The following CFAP74 variants were observed in gnomAD, a reference collection of about 807,000 sequenced individuals.
The protein encoded by CFAP74 is cilia- and flagella-associated protein 74.
Under a neutral mutation model 188.9 loss-of-function variants are expected in CFAP74, and 124 were observed. The ratio of observed to expected loss-of-function variants is 0.66; its 90% CI spans 0.57 to 0.76. The LOEUF (loss-of-function observed/expected upper bound fraction) is 0.76. Ranked by LOEUF, CFAP74 falls within the 30% of genes least tolerant of loss-of-function variation. The probability of loss-of-function intolerance (pLI) is 0.00; values close to 1 mark genes in which losing one functional copy is unlikely to be tolerated. For missense variants in CFAP74, 2,198 were observed against 2,165.2 expected, an observed-to-expected ratio of 1.02 and a Z score of -0.30; for synonymous variants, 956 against 916.7, an observed-to-expected ratio of 1.04 and a Z score of -0.77.
intron 18 of CFAP74, chr1:1,955,189 T>A (rs1398673955): frequency 7.8e-7 from 1 of 1,287,344 alleles, no homozygotes; most frequent in Non-Finnish European, 1.0e-6. Context: ...TTTCTGGATC[T>A]CGATGCGTAT....
intron 27 of CFAP74, chr1:1,927,974 T>C: frequency 3.6e-6 from 2 of 558,254 alleles, no homozygotes; most frequent in South Asian, 4.1e-5. Flanking sequence ...CACCAGAGGA[T>C]AAACCGAGGC....
At chr1:1,924,069 C>T in intron 34 of CFAP74, 140 bp from the exon 35 acceptor site, 2 of 690,862 alleles carry the variant, frequency 2.9e-6, no homozygotes, top group Middle Eastern at 4.8e-4. Context: ...AATGGCCTTG[C>T]GCCCCCCACT....
At chr1:1,938,558 T>TCA (rs370110560) in intron 25 of CFAP74, among the ~76,000 whole-genome samples, 52 of 151,090 alleles carry the variant, frequency 3.4e-4, no homozygotes, top group Middle Eastern at 3.4e-3. Context: ...GCACACACGT[T>TCA]CACACACACA....
chr1:2,000,448 A>G (rs1347349416), intron 1 of CFAP74, among the ~76,000 whole-genome samples: 1 of 151,946 alleles, frequency 6.6e-6, no homozygotes, highest in African/African-American at 2.4e-5. Context: ...CCAGGAGCAC[A>G]CCCTACAGAA....
At chr1:1,954,185 GGGCCGTGTGAC>G (rs1346595706) in intron 18 of CFAP74, 1 of 152,272 alleles carries the variant, frequency 6.6e-6, no homozygotes, top group Non-Finnish European at 1.5e-5. Context: ...AAGCAGCCCC[GGGCCGTGTGAC>G]CTCGTGCTCC....
chr1:1,959,308 G>T (rs1266891227), intron 15 of CFAP74, 99 bp from the exon 16 acceptor site: 1 of 789,552 alleles, frequency 1.3e-6, no homozygotes, highest in Admixed American at 2.2e-5. Flanking sequence ...CCAGGCTGGG[G>T]TGCAGTGGCA....
chr1:1,939,526 C>T (rs1046168701), intron 24 of CFAP74, 68 bp downstream of exon 24: 58 of 1,434,750 alleles, frequency 4.0e-5, no homozygotes, highest in Non-Finnish European at 4.8e-5. Context: ...GAGCAGTGGC[C>T]GCTGCATCCT....
chr1:1,983,105 C>T (rs1221834064), intron 6 of CFAP74, among the ~76,000 whole-genome samples: 2 of 152,206 alleles, frequency 1.3e-5, no homozygotes, highest in African/African-American at 2.4e-5. Flanking sequence ...CGCAGGGACA[C>T]AGCACCCCCA....
intron 17 of CFAP74, 132 bp from the exon 18 acceptor site, chr1:1,955,982 T>C: frequency 7.0e-7 from 1 of 1,422,748 alleles, no homozygotes; most frequent in Non-Finnish European, 9.2e-7. Flanking sequence ...CTCAGCTGCC[T>C]CCTCGGCTGC....
intron 11 of CFAP74, among the ~76,000 whole-genome samples, chr1:1,967,127 C>T (rs989647818): frequency 1.8e-4 from 28 of 152,204 alleles, no homozygotes; most frequent in Admixed American, 1.6e-3. Context: ...TGAGCCACCG[C>T]GCCTGGCGCA....
chr1:2,003,119 T>C (rs1317459506), intron 1 of CFAP74, among the ~76,000 whole-genome samples: 6 of 152,224 alleles, frequency 3.9e-5, no homozygotes, highest in Middle Eastern at 6.3e-3. Flanking sequence ...GGGTAGTGGC[T>C]ACTGATGTTC....
Position 1,923,601 on chromosome 1 carries a change from G to A in CFAP74, c.4390-102C>T. On this transcript the variant is annotated intron_variant, in intron 35 of 38. Transcript: ENST00000682832. The surrounding 1 kb of genome is among the most constrained non-coding windows in gnomAD (Gnocchi z 6.3). ...CAGGGAAGGAAGCAGGGACGGCCTG[G>A]GGGCCCCGTGGGGCCCTGGACTCTG... 1 of 1,519,284 alleles carries A rather than the reference G, an allele frequency of 6.6e-7. No individual in the cohort carries two copies. Among genetic ancestry groups the A allele is most frequent in the Non-Finnish European group, 8.9e-7 (1 of 1,125,284 alleles). 94.1% of individuals were successfully genotyped at this position (1,519,284 alleles called of 1,614,324 possible).
Position 1,973,915 on chromosome 1 carries a change from C to T in CFAP74, c.674+110G>A. ...GAGGCAGGGAGGGGTGGAGGTGGAT[C>T]TGGACAGATGTGGAGGGCGAGGCTG... On this transcript the variant is annotated intron_variant, in intron 7 of 38. Coordinates refer to ENST00000682832, the MANE Select transcript of CFAP74 (RefSeq NM_001304360.2). The surrounding 1 kb of genome is among the most constrained non-coding windows in gnomAD (Gnocchi z 6.2). 1 of 1,084,560 alleles carries T rather than the reference C, an allele frequency of 9.2e-7. No homozygotes were observed. Among genetic ancestry groups the T allele is most frequent in the Non-Finnish European group, 1.3e-6 (1 of 785,916 alleles). 67.2% of individuals were successfully genotyped at this position (1,084,560 alleles called of 1,614,324 possible). A position where few individuals can be genotyped will look rare whatever the true frequency, so the allele number is the denominator to read the frequency against.
chr1:1,946,364 C>A lies in CFAP74; in HGVS notation c.2317G>T (p.Val773Phe). 2.0e-6 allele frequency: 3 copies of A among 1,536,894 alleles called. No homozygotes were observed. The highest frequency in any genetic ancestry group is 2.6e-6 in the Non-Finnish European group (3 of 1,146,858). ...IVFTPVVPGD[V>F]QARFKVTFKN... is the part of the protein sequence containing the mutation. ...AACGTGACTTTGAACCTGGCTTGGA[C>A]GTCGCCTGGGACGACCGGAGTGAAG... is the stretch of plus-strand genomic sequence containing the variant. The change falls in exon 20 of 39, where the codon GTC becomes TTC. Residue 773 changes from valine to phenylalanine, a missense_variant. Coordinates refer to ENST00000682832, the MANE Select transcript of CFAP74 (RefSeq NM_001304360.2).
At chr1:1,947,538 G>A (rs554657560) in intron 18 of CFAP74, among the ~76,000 whole-genome samples, 2 of 152,334 alleles carry the variant, frequency 1.3e-5, no homozygotes, top group Non-Finnish European at 2.9e-5. Context: ...GGCACCAGCC[G>A]GCAGCTGGTC....
chr1:1,954,770 C>A (rs555335567), intron 18 of CFAP74: 24 of 1,078,862 alleles, frequency 2.2e-5, no homozygotes, highest in Non-Finnish European at 2.7e-5. Context: ...GCGACAGAGA[C>A]CCTGTCTCAA....
chr1:1,974,449 C>A (rs1043477818), intron 6 of CFAP74, among the ~76,000 whole-genome samples: 1 of 152,210 alleles, frequency 6.6e-6, no homozygotes, highest in Admixed American at 6.5e-5. Flanking sequence ...CTCCCGCGTG[C>A]CACCTGCCGG....
At chr1:1,991,600 C>A (rs1389973223) in intron 1 of CFAP74, among the ~76,000 whole-genome samples, 9 of 151,432 alleles carry the variant, frequency 5.9e-5, no homozygotes. Context: ...GAGACTCCAT[C>A]TCAAGAAAAA....
chr1:1,971,136 C>T (rs1655989139), intron 9 of CFAP74, among the ~76,000 whole-genome samples: 1 of 150,084 alleles, frequency 6.7e-6, no homozygotes, highest in Admixed American at 6.6e-5. Flanking sequence ...CGTGCACACA[C>T]ATGCTCGCAC....
Sources: gnomAD v4.1 joint callset for allele counts (sites outside exome capture counted in the v4.1 genomes callset) on GRCh38, gnomAD v4.1.1 for gene constraint, Gnocchi (gnomAD v3.1) non-coding constraint, MANE v1.5 for transcripts, NCBI Gene and HGNC (gene_info 2026-07-23, HGNC 2026-07-21) for gene names.